TENM2: variants seen among roughly 807,000 people sequenced by gnomAD.
TENM2 encodes the protein teneurin-2.
TENM2 carries 52 observed loss-of-function variants against 245.2 expected under a neutral mutation model. The ratio of observed to expected loss-of-function variants is 0.21; its 90% confidence interval spans 0.17 to 0.27. The LOEUF is 0.27. TENM2 is among the 10% of genes least tolerant of loss of function. The pLI is 1.00. For synonymous variants in TENM2, 1,363 were observed against 1,438.9 expected, an observed-to-expected ratio of 0.95 and a Z score of 1.19; for missense variants, 3,046 against 3,666.8, an observed-to-expected ratio of 0.83 and a Z score of 4.37.
chr5:167,707,336 T>A (rs143357366), intron 2 of TENM2, among the ~76,000 whole-genome samples: 1 of 152,210 alleles, frequency 6.6e-6, no homozygotes, highest in East Asian at 1.9e-4. Flanking sequence ...TTATCAGATA[T>A]ATGGTTTGCT....
At chr5:167,026,266 C>G in the TENM2 span, among the ~76,000 whole-genome samples, 6 of 152,168 alleles carry the variant, frequency 3.9e-5, no homozygotes, top group South Asian at 2.1e-4. Flanking sequence ...ATTTTGGAAT[C>G]AAACAGATTT....
intron 1 of TENM2, among the ~76,000 whole-genome samples, chr5:167,321,339 G>A: frequency 6.6e-6 from 1 of 152,180 alleles, no homozygotes; most frequent in Non-Finnish European, 1.5e-5. Flanking sequence ...TGTCATTCCT[G>A]AAGCTTCTCT....
At chr5:168,152,402 C>A (rs1756727148) in intron 12 of TENM2, among the ~76,000 whole-genome samples, 2 of 152,156 alleles carry the variant, frequency 1.3e-5, no homozygotes, top group Admixed American at 1.3e-4. Context: ...TTATGGTTGA[C>A]CTGATTTTAC....
chr5:168,169,933 G>A (rs977139868), intron 13 of TENM2, among the ~76,000 whole-genome samples: 2 of 152,214 alleles, frequency 1.3e-5, no homozygotes, highest in Non-Finnish European at 2.9e-5. Context: ...AGCTCCCAGA[G>A]AGAAAAGCAA....
At chr5:167,214,753 A>G in the TENM2 span, among the ~76,000 whole-genome samples, 1 of 152,130 alleles carries the variant, frequency 6.6e-6, no homozygotes, top group East Asian at 1.9e-4. Flanking sequence ...AGACTAAGGG[A>G]CCCGATGAAT....
chr5:167,422,201 C>T (rs552886987), intron 2 of TENM2, among the ~76,000 whole-genome samples: 1 of 152,270 alleles, frequency 6.6e-6, no homozygotes, highest in African/African-American at 2.4e-5. Context: ...GTGATTAGTT[C>T]GACAAATAGC....
At chr5:167,573,487 C>A (rs1337946344) in intron 2 of TENM2, among the ~76,000 whole-genome samples, 2 of 151,086 alleles carry the variant, frequency 1.3e-5, no homozygotes, top group Non-Finnish European at 2.9e-5. Context: ...GCTCTCTTTT[C>A]TTGATGTTCT....
At chr5:167,591,086 T>C (rs186628312) in intron 2 of TENM2, among the ~76,000 whole-genome samples, 1 of 152,198 alleles carries the variant, frequency 6.6e-6, no homozygotes, top group Non-Finnish European at 1.5e-5. Flanking sequence ...AGAGTTCTCA[T>C]TGCTCTAGCT....
At position 168,216,885 on chromosome 5, in the gene TENM2, G is replaced by A. The variant is rs1489815338; in HGVS notation, c.4196G>A (p.Arg1399Gln). Residue 1399 changes from arginine (R) to glutamine (Q), a missense_variant, in exon 22 of 29, where the codon CGG becomes CAG. Arg to Gln is a conservative substitution (Grantham distance 43, BLOSUM62 1). Around this residue, in one of 2 missense-constraint regions of TENM2, gnomAD observed 2,704 missense variants for 3,331.9 expected, o/e 0.81. Transcript: ENST00000518659. The stretch of plus-strand genomic sequence containing the variant: ...GGCTCCAATGACCTCACTGCCGTCC[G>A]GCCGCTGAGCTGTGATTCCAGCATG... The A allele has an allele frequency of 5.0e-6, 8 of 1,613,804 alleles. No homozygotes were observed. In the Admixed American group the frequency reaches 6.7e-5, roughly 13 times the overall value.
At chr5:168,203,903 A>G (rs1762137656) in intron 18 of TENM2, 71 bp downstream of exon 20, 1 of 1,402,872 alleles carries the variant, frequency 7.1e-7, no homozygotes, top group Non-Finnish European at 9.6e-7. Context: ...TAGCCTCAGC[A>G]TTTAAGTGAT....
intron 2 of TENM2, among the ~76,000 whole-genome samples, chr5:167,434,524 A>G (rs947298499): frequency 6.6e-6 from 1 of 151,750 alleles, no homozygotes; most frequent in Non-Finnish European, 1.5e-5. Context: ...ACTCAACCAA[A>G]TTGTTTTCAA....
intron 12 of TENM2, among the ~76,000 whole-genome samples, chr5:168,143,553 T>A (rs528173497): frequency 3.3e-4 from 51 of 152,286 alleles, no homozygotes; most frequent in African/African-American, 1.2e-3. Flanking sequence ...CCCCAGTGCC[T>A]GGGCGCAGAA....
At chr5:167,874,566 C>T (rs1773257672) in intron 2 of TENM2, among the ~76,000 whole-genome samples, 1 of 152,160 alleles carries the variant, frequency 6.6e-6, no homozygotes, top group Non-Finnish European at 1.5e-5. Flanking sequence ...TCTGTCCTTC[C>T]TTCCACACCC....
intron 9 of TENM2, among the ~76,000 whole-genome samples, chr5:168,105,983 G>T (rs1033890422): frequency 3.3e-5 from 5 of 152,118 alleles, no homozygotes; most frequent in Non-Finnish European, 5.9e-5. Flanking sequence ...TCAGAAGAGC[G>T]CTGAGGTGTC....
chr5:167,048,415 T>G, the TENM2 span, among the ~76,000 whole-genome samples: 1 of 152,156 alleles, frequency 6.6e-6, no homozygotes, highest in African/African-American at 2.4e-5. Context: ...AAGGTTTAAA[T>G]GAAACTCATG....
chr5:168,166,360 A>G (rs1354637921), intron 13 of TENM2, among the ~76,000 whole-genome samples: 1 of 152,248 alleles, frequency 6.6e-6, no homozygotes, highest in Admixed American at 6.5e-5. Context: ...TAAAAAAAAG[A>G]ATCTGTTTGA....
At chr5:167,657,705 A>G (rs1458719352) in intron 2 of TENM2, among the ~76,000 whole-genome samples, 2 of 150,174 alleles carry the variant, frequency 1.3e-5, no homozygotes, top group South Asian at 2.3e-4. Flanking sequence ...TACAACTACT[A>G]AACTCTCTCA....
chr5:167,445,336 T>TAGAGAGAGAG (rs1554154174), intron 2 of TENM2, among the ~76,000 whole-genome samples: 137 of 77,278 alleles, frequency 1.8e-3, no homozygotes, highest in African/African-American at 3.6e-3. Flanking sequence ...TATATATATA[T>TAGAGAGAGAG]AGAGAGAGAG....
intron 2 of TENM2, among the ~76,000 whole-genome samples, chr5:167,511,191 T>G (rs1769930801): frequency 6.6e-6 from 1 of 152,072 alleles, no homozygotes; most frequent in East Asian, 1.9e-4. Context: ...AGAGAAGAGA[T>G]AAAACATGCA....
Sources: allele counts gnomAD v4.1 joint callset (sites outside exome capture counted in the v4.1 genomes callset), GRCh38; gene constraint gnomAD v4.1.1; regional missense constraint gnomAD v4.1.1; transcripts MANE v1.5; gene names NCBI Gene and HGNC (gene_info 2026-07-23, HGNC 2026-07-21).